The following STK3 variants were observed in gnomAD, a reference collection of about 807,000 sequenced individuals.
STK3 encodes serine/threonine-protein kinase 3.
Under a neutral mutation model 58.0 loss-of-function variants are expected in STK3, and 41 were observed. The ratio of observed to expected loss-of-function variants is 0.71; its 90% confidence interval spans 0.55 to 0.92. The LOEUF (loss-of-function observed/expected upper bound fraction) is 0.92. Among genes scored for constraint, STK3 ranks in the 40% least tolerant of loss-of-function variants. The pLI is 0.00. For missense variants in STK3, 479 were observed against 602.7 expected (o/e 0.79, Z 2.15); for synonymous variants, 170 against 191.0 (o/e 0.89, Z 0.91).
At chr8:98,406,224 C>CATTTTATTTTATTTT (rs56220187) in intron 3 of STK3, among the ~76,000 whole-genome samples, 3 of 142,544 alleles carry the variant, frequency 2.1e-5, no homozygotes, top group African/African-American at 8.0e-5. Context: ...TCCCCCCAGG[C>CATTTTATTTTATTTT]ATTTTATTTT....
intron 3 of STK3, among the ~76,000 whole-genome samples, chr8:98,421,240 G>T (rs534734806): frequency 6.6e-6 from 1 of 152,332 alleles, no homozygotes; most frequent in South Asian, 2.1e-4. Context: ...AGGAGAGACA[G>T]CTGACTGCAT....
intron 4 of STK3, among the ~76,000 whole-genome samples, chr8:98,727,218 C>G (rs1423426594): frequency 6.6e-6 from 1 of 152,090 alleles, no homozygotes; most frequent in East Asian, 1.9e-4. Flanking sequence ...GGGCACATGA[C>G]CCACGCAGAG....
At chr8:98,486,210 G>A (rs974975268) in intron 10 of STK3, among the ~76,000 whole-genome samples, 1 of 152,006 alleles carries the variant, frequency 6.6e-6, no homozygotes, top group Non-Finnish European at 1.5e-5. Flanking sequence ...GCCTGTGTGT[G>A]GGGGAAAAAA....
At chr8:98,887,468 C>T (rs571367758) in intron 1 of STK3, among the ~76,000 whole-genome samples, 1 of 152,276 alleles carries the variant, frequency 6.6e-6, no homozygotes, top group East Asian at 1.9e-4. Flanking sequence ...ATTTTTGCAA[C>T]TTTCTGTGAA....
At chr8:98,375,146 T>C (rs996402491) in intron 2 of STK3, among the ~76,000 whole-genome samples, 5 of 151,808 alleles carry the variant, frequency 3.3e-5, no homozygotes, top group Admixed American at 6.6e-5. Flanking sequence ...TCCCTGCTAC[T>C]TGGGAGGCTG....
At chr8:98,725,734 T>C (rs537296740) in intron 4 of STK3, among the ~76,000 whole-genome samples, 2 of 152,292 alleles carry the variant, frequency 1.3e-5, no homozygotes, top group Non-Finnish European at 2.9e-5. Flanking sequence ...TAAAACTAAA[T>C]ACCACTTTTT....
intron 1 of STK3, among the ~76,000 whole-genome samples, chr8:98,908,498 A>G (rs1024590881): frequency 2.6e-5 from 4 of 152,176 alleles, no homozygotes; most frequent in Non-Finnish European, 4.4e-5. Context: ...GGCTCCAGTG[A>G]GCTATCATTA....
chr8:98,733,369 A>G (rs1015232431), intron 4 of STK3, among the ~76,000 whole-genome samples: 7 of 152,200 alleles, frequency 4.6e-5, no homozygotes, highest in Non-Finnish European at 8.8e-5. Flanking sequence ...GGCAAGCATT[A>G]CTGCCTGAGC....
At chr8:98,372,922 G>C (rs755952934) in intron 2 of STK3, among the ~76,000 whole-genome samples, 1 of 152,196 alleles carries the variant, frequency 6.6e-6, no homozygotes, top group African/African-American at 2.4e-5. Flanking sequence ...AGAATTGAAT[G>C]AGATAATGTG....
intron 3 of STK3, among the ~76,000 whole-genome samples, chr8:98,414,603 G>A (rs2131045541): frequency 6.6e-6 from 1 of 152,316 alleles, no homozygotes; most frequent in East Asian, 1.9e-4. Flanking sequence ...CTTCGAAACA[G>A]TGGGGACCTT....
chr8:98,387,678 G>GCTTGAAC (rs1817803517), intron 1 of STK3, among the ~76,000 whole-genome samples: 41 of 152,264 alleles, frequency 2.7e-4, no homozygotes, highest in Admixed American at 2.6e-3. Flanking sequence ...AACCTGGGAG[G>GCTTGAAC]CAGAGGTTGT....
At chr8:98,746,682 C>A (rs1231166084) in intron 4 of STK3, among the ~76,000 whole-genome samples, 1 of 152,068 alleles carries the variant, frequency 6.6e-6, no homozygotes, top group Non-Finnish European at 1.5e-5. Context: ...TGGATAATAT[C>A]TTTAAAAGGC....
chr8:98,934,967 G>A (rs1004153036), intron 1 of STK3, among the ~76,000 whole-genome samples: 4 of 141,122 alleles, frequency 2.8e-5, no homozygotes, highest in African/African-American at 7.7e-5. Context: ...TATATAAAGA[G>A]CAAAGCACAA....
intron 6 of STK3, among the ~76,000 whole-genome samples, chr8:98,605,800 G>A (rs1816727881): frequency 6.6e-6 from 1 of 152,086 alleles, no homozygotes. Context: ...GGACCATGGG[G>A]GTGGAGTTGT....
At chr8:98,411,121 A>G (rs974316058) in intron 3 of STK3, among the ~76,000 whole-genome samples, 12 of 152,232 alleles carry the variant, frequency 7.9e-5, no homozygotes, top group Non-Finnish European at 2.9e-5. Flanking sequence ...GAGTGTCCTC[A>G]TGGCCTTTTC....
intron 1 of STK3, among the ~76,000 whole-genome samples, chr8:98,893,572 G>A (rs1443348652): frequency 4.9e-5 from 7 of 143,836 alleles, no homozygotes; most frequent in Admixed American, 4.2e-4. Flanking sequence ...GAGGGAGGGA[G>A]GAAAGAAAGG....
At position 98,628,618 on chromosome 8, in the gene STK3, G is replaced by A. The variant is rs780473165; in HGVS notation, c.685-32449C>T. Among the ~76,000 whole-genome samples the A allele has an allele frequency of 2.2e-4, 33 of 152,002 alleles. No individual in the cohort carries two copies. The East Asian group carries it at 2.3e-3, about 11-fold the overall frequency. ...TAGAAACTAGCCTGGGCAAAATAGC[G>A]CAACCCTATCTCTACAAAAGTAAAA... On this transcript the variant is annotated intron_variant, in intron 6 of 10. Transcript: ENST00000419617.
At chr8:98,662,151 T>A (rs960088113) in intron 6 of STK3, among the ~76,000 whole-genome samples, 19 of 152,256 alleles carry the variant, frequency 1.2e-4, no homozygotes, top group African/African-American at 4.3e-4. Flanking sequence ...GAGAGACCCA[T>A]GGAGAAGCTG....
At chr8:98,520,459 C>A (rs1825268127) in intron 10 of STK3, among the ~76,000 whole-genome samples, 1 of 152,080 alleles carries the variant, frequency 6.6e-6, no homozygotes, top group Non-Finnish European at 1.5e-5. Context: ...CTACCCTGCA[C>A]ATCTGTCTAG....
Sources: allele counts gnomAD v4.1 joint callset (sites outside exome capture counted in the v4.1 genomes callset), GRCh38; gene constraint gnomAD v4.1.1; transcripts MANE v1.5; gene names NCBI Gene and HGNC (gene_info 2026-07-23, HGNC 2026-07-21).